PTPN9: variants seen among roughly 807,000 people sequenced by gnomAD.
PTPN9 encodes the protein tyrosine-protein phosphatase non-receptor type 9.
PTPN9 carries 26 observed loss-of-function variants against 69.8 expected under a neutral mutation model. That is an observed-to-expected ratio of 0.37 (90% CI 0.27 to 0.52). The LOEUF is 0.52. PTPN9 is among the 20% of genes least tolerant of loss of function. The pLI, the probability that PTPN9 is intolerant of heterozygous loss-of-function variation, is 0.91. For synonymous variants in PTPN9, 274 were observed against 272.5 expected, an observed-to-expected ratio of 1.01 and a Z score of -0.05; for missense variants, 549 against 740.3, an observed-to-expected ratio of 0.74 and a Z score of 3.00.
chr15:75,515,440 A>G (rs1362183283), intron 5 of PTPN9, among the ~76,000 whole-genome samples: 1 of 151,464 alleles, frequency 6.6e-6, no homozygotes, highest in Non-Finnish European at 1.5e-5. Context: ...AAAAAAAAAA[A>G]AAAAAAGAAA....
chr15:75,470,885 C>T, intron 10 of PTPN9, 55 bp from the exon 11 acceptor site: 1 of 1,580,560 alleles, frequency 6.3e-7, no homozygotes, highest in Non-Finnish European at 8.6e-7. Flanking sequence ...ACAGCAGTAA[C>T]CTGGCTTCCC....
intron 5 of PTPN9, among the ~76,000 whole-genome samples, chr15:75,514,140 T>A (rs1256460678): frequency 3.4e-5 from 5 of 146,516 alleles, no homozygotes; most frequent in Admixed American, 6.8e-5. Context: ...GCAAAAAGAA[T>A]AGGCTAGAAG....
intron 1 of PTPN9, among the ~76,000 whole-genome samples, chr15:75,556,916 G>A (rs2075080430): frequency 6.6e-6 from 1 of 152,032 alleles, no homozygotes; most frequent in South Asian, 2.1e-4. Flanking sequence ...TGTACCTATT[G>A]TAGGTACCTC....
At chr15:75,534,851 T>C (rs2074976570) in intron 1 of PTPN9, among the ~76,000 whole-genome samples, 1 of 151,738 alleles carries the variant, frequency 6.6e-6, no homozygotes, top group African/African-American at 2.4e-5. Context: ...CTTGCGCCTG[T>C]AATCCCAGCT....
At chr15:75,552,065 A>G (rs1223792041) in intron 1 of PTPN9, among the ~76,000 whole-genome samples, 3 of 151,816 alleles carry the variant, frequency 2.0e-5, no homozygotes, top group African/African-American at 7.2e-5. Context: ...AAAAAAGAAA[A>G]AAGAAAAAAA....
At chr15:75,486,029 G>C (rs192170600) in intron 8 of PTPN9, among the ~76,000 whole-genome samples, 2 of 151,388 alleles carry the variant, frequency 1.3e-5, no homozygotes, top group East Asian at 4.0e-4. Context: ...GAACCCGGGA[G>C]GTGGAGGTTG....
At chr15:75,503,918 C>A (rs1325475380) in intron 7 of PTPN9, among the ~76,000 whole-genome samples, 1 of 111,404 alleles carries the variant, frequency 9.0e-6, no homozygotes, top group African/African-American at 3.6e-5. Flanking sequence ...GTCAGCCCCC[C>A]GCCCGGCCAG....
At position 75,578,791 on chromosome 15, in the gene PTPN9, C is replaced by T; in HGVS notation, c.-15G>A. 8.1e-7 allele frequency: 1 copy of T among 1,231,200 alleles called. No individual in the cohort carries two copies. The allele number at this position is 1,231,200 out of a possible 1,614,324, so 76.3% of individuals were successfully genotyped here. A position where few individuals can be genotyped will look rare whatever the true frequency, so the allele number is the denominator to read the frequency against. ...GCGGGCTCCATCCCCCCGCCACCGCCGCCGGGCGGACAAAACTCGCTCGCG... is the reference window on the plus strand; with the variant it reads ...GCGGGCTCCATCCCCCCGCCACCGCTGCCGGGCGGACAAAACTCGCTCGCG... On this transcript the variant is annotated 5_prime_UTR_variant, in exon 1 of 13. Transcript: ENST00000618819.
At chr15:75,543,818 G>A (rs1308367127) in intron 1 of PTPN9, among the ~76,000 whole-genome samples, 2 of 151,986 alleles carry the variant, frequency 1.3e-5, no homozygotes, top group Non-Finnish European at 2.9e-5. Flanking sequence ...TAATATTTTT[G>A]AAACTATGCC....
intron 1 of PTPN9, among the ~76,000 whole-genome samples, chr15:75,564,274 G>C (rs2075116972): frequency 6.6e-6 from 1 of 151,950 alleles, no homozygotes; most frequent in Non-Finnish European, 1.5e-5. Flanking sequence ...TTAAAAAAGA[G>C]AAACACTTGA....
At chr15:75,474,244 G>T (rs1157010391) in intron 9 of PTPN9, among the ~76,000 whole-genome samples, 1 of 152,168 alleles carries the variant, frequency 6.6e-6, no homozygotes, top group Non-Finnish European at 1.5e-5. Context: ...TCTTGGCCGG[G>T]TGCAGTGGCT....
intron 12 of PTPN9, among the ~76,000 whole-genome samples, chr15:75,469,569 G>A (rs2074553140): frequency 6.6e-6 from 1 of 152,232 alleles, no homozygotes; most frequent in South Asian, 2.1e-4. Context: ...ATGATGGGGT[G>A]TATAAAACAT....
intron 1 of PTPN9, among the ~76,000 whole-genome samples, chr15:75,566,413 G>A (rs1361821845): frequency 1.3e-5 from 2 of 152,190 alleles, no homozygotes; most frequent in Non-Finnish European, 2.9e-5. Context: ...GGGACACAGT[G>A]GCTCATGCCT....
rs368686214 is a variant in PTPN9, at chr15:75,505,772, A to G, written c.871T>C (p.Leu291=). The G allele has an allele frequency of 1.9e-6, 3 of 1,613,822 alleles. No homozygotes were observed. The highest frequency in any genetic ancestry group is 2.5e-6 in the Non-Finnish European group (3 of 1,179,922). ...PGPHAMTIQE[L]VDYVNARQKQ... ...TGCCTGGCATTAACATAGTCCACCAACTCTTGGATGGTCATAGCATGGGGA... is the reference window on the plus strand; with the variant it reads ...TGCCTGGCATTAACATAGTCCACCAGCTCTTGGATGGTCATAGCATGGGGA... The change falls in exon 7 of 13, where the codon TTG becomes CTG. Residue 291 remains leucine (L), a synonymous_variant. Transcript: ENST00000618819.
chr15:75,525,115 G>A (rs1455986014), intron 2 of PTPN9, among the ~76,000 whole-genome samples: 5 of 151,880 alleles, frequency 3.3e-5, no homozygotes, highest in African/African-American at 1.2e-4. Context: ...CCTCTCCTAT[G>A]TTTAAATAGG....
intron 8 of PTPN9, among the ~76,000 whole-genome samples, chr15:75,488,807 T>C (rs2141298662): frequency 6.6e-6 from 1 of 151,318 alleles, no homozygotes; most frequent in Non-Finnish European, 1.5e-5. Context: ...TTTCTGTTTT[T>C]TAAGGATTTT....
chr15:75,476,062 G>A (rs755734753), intron 9 of PTPN9, among the ~76,000 whole-genome samples: 1 of 152,140 alleles, frequency 6.6e-6, no homozygotes, highest in Non-Finnish European at 1.5e-5. Context: ...TCACCTGTGT[G>A]TGCCTGGAGA....
chr15:75,550,877 C>T (rs1162086040), intron 1 of PTPN9, among the ~76,000 whole-genome samples: 2 of 152,000 alleles, frequency 1.3e-5, no homozygotes, highest in African/African-American at 4.8e-5. Flanking sequence ...TTGAACTAGG[C>T]TCAAGCGATC....
rs560477080 is a variant in PTPN9 at position 75,566,745 on chromosome 15, T to G, written c.63+11969A>C. ...GTTCATGCCTATAATCTTAGCATTT[T>G]GGGAGGCTGAAGCGGAAGGATAGCT... On this transcript the variant is annotated intron_variant, in intron 1 of 12. Transcript: ENST00000618819. 3.9e-5 allele frequency among the ~76,000 whole-genome samples: 6 copies of G among 152,020 alleles called. No individual in the cohort carries two copies. In the South Asian group the frequency reaches 8.3e-4, roughly 21 times the overall value.
Sources: allele counts gnomAD v4.1 joint callset (sites outside exome capture counted in the v4.1 genomes callset), GRCh38; gene constraint gnomAD v4.1.1; transcripts MANE v1.5; gene names NCBI Gene and HGNC (gene_info 2026-07-23, HGNC 2026-07-21).